The following SETD9 variants were observed in gnomAD, a reference collection of about 807,000 sequenced individuals.
The protein encoded by SETD9 is SET domain containing 9.
In SETD9, 37 loss-of-function variants were observed where a neutral mutation model predicts 36.4. The ratio of observed to expected loss-of-function variants is 1.02; its 90% CI spans 0.78 to 1.34. The LOEUF (loss-of-function observed/expected upper bound fraction) is 1.34. Ranked by LOEUF, SETD9 falls within the 40% of genes most tolerant of loss-of-function variation. The pLI is 0.00. For missense variants in SETD9, 323 were observed against 353.2 expected, an observed-to-expected ratio of 0.91 and a Z score of 0.69; for synonymous variants, 128 against 132.9, an observed-to-expected ratio of 0.96 and a Z score of 0.26.
chr5:56,923,598 G>A (rs758516025), intron 5 of SETD9: 1 of 1,611,358 alleles, frequency 6.2e-7, no homozygotes, highest in Non-Finnish European at 8.5e-7. Context: ...AAAAAGGAAT[G>A]GAAAATTGTT....
At chr5:56,925,405 G>A (rs1749917046) in exon 6 of SETD9, 7 of 441,276 alleles carry the variant, frequency 1.6e-5, no homozygotes, top group Non-Finnish European at 2.3e-5. Context: ...AGCACTTACA[G>A]CAAAGTTTCA....
At position 56,910,447 on chromosome 5, in the gene SETD9, G is replaced by A. The variant is rs1045900759; in HGVS notation, c.98+704G>A. 7.1e-6 allele frequency: 9 copies of A among 1,259,490 alleles called. No homozygotes were observed. In the African/African-American group the frequency reaches 9.4e-5, roughly 13 times the overall value. The allele number at this position is 1,259,490 out of a possible 1,614,324, so 78.0% of individuals were successfully genotyped here. On this transcript the variant is annotated intron_variant, in intron 1 of 5. Transcript: ENST00000285947. ...GCACCAGTGATCAGCTCAACACCGTGCTCACCAAAGAGGCCGACCGGGCCT... is the reference window on the plus strand; with the variant it reads ...GCACCAGTGATCAGCTCAACACCGTACTCACCAAAGAGGCCGACCGGGCCT...
chr5:56,924,823 G>A (rs547059703), intron 5 of SETD9, among the ~76,000 whole-genome samples: 26 of 152,244 alleles, frequency 1.7e-4, no homozygotes, highest in African/African-American at 5.5e-4. Flanking sequence ...ATCAGTACCC[G>A]ATAAAGAAGT....
At chr5:56,914,244 G>C (rs1270345567) in intron 4 of SETD9, among the ~76,000 whole-genome samples, 1 of 152,034 alleles carries the variant, frequency 6.6e-6, no homozygotes, top group Non-Finnish European at 1.5e-5. Flanking sequence ...ACTCCCCTTT[G>C]ATCATTATTA....
rs755210590 is a variant in SETD9, at chr5:56,911,479, G to T, written c.409G>T (p.Gly137Cys). ...TAGCTCATTGATTTCTGCTGGAAAA[G>T]GTGTCTTCGTTACTAAAGGATTGGT... is the stretch of plus-strand genomic sequence containing the variant. ...ATSSLISAGK[G>C]VFVTKGLVPK... The change falls in exon 2 of 6, where the codon GGT (glycine) becomes TGT (cysteine). Residue 137 changes from glycine (G) to cysteine (C), a missense_variant. Physicochemically the swap from Gly to Cys is radical, Grantham distance 159. Transcript: ENST00000285947. 1.2e-6 allele frequency: 2 copies of T among 1,605,222 alleles called. No individual in the cohort carries two copies. Among genetic ancestry groups the T allele is most frequent in the Non-Finnish European group, 1.7e-6 (2 of 1,177,112 alleles).
intron 3 of SETD9, 109 bp from the exon 4 acceptor site, chr5:56,913,765 T>C: frequency 8.2e-6 from 3 of 366,944 alleles, no homozygotes; most frequent in Non-Finnish European, 9.2e-6. Context: ...ACTAAAGTCT[T>C]TTTTTTTTTT....
At chr5:56,923,295 C>T in intron 5 of SETD9, 1 of 1,614,174 alleles carries the variant, frequency 6.2e-7, no homozygotes, top group Non-Finnish European at 8.5e-7. Flanking sequence ...TTTACAGAAA[C>T]TTCATTCATA....
chr5:56,916,696 TA>T, intron 5 of SETD9, 118 bp from the exon 6 acceptor site: 1 of 962,334 alleles, frequency 1.0e-6, no homozygotes, highest in Non-Finnish European at 1.5e-6. Context: ...ATCAAATGCA[TA>T]AACTAAAATG....
At chr5:56,928,247 G>A (rs1002326765), downstream of SETD9, 1 of 152,280 alleles carries the variant, frequency 6.6e-6, no homozygotes, top group African/African-American at 2.4e-5. Flanking sequence ...TATACGGTAA[G>A]AGTATGGTTG....
chr5:56,927,687 A>T (rs1750060880), downstream of SETD9, among the ~76,000 whole-genome samples: 1 of 151,758 alleles, frequency 6.6e-6, no homozygotes, highest in African/African-American at 2.4e-5. Context: ...TGTATCTGTT[A>T]AAAAAATCAA....
chr5:56,923,109 TC>T, intron 5 of SETD9: 3 of 1,606,924 alleles, frequency 1.9e-6, no homozygotes, highest in Non-Finnish European at 2.6e-6. Context: ...CACACGCAGT[TC>T]CGGGATCCTC....
exon 6 of SETD9, chr5:56,925,424 G>C (rs762616444): frequency 8.3e-5 from 35 of 420,478 alleles, no homozygotes; most frequent in Non-Finnish European, 1.4e-4. Flanking sequence ...CAGGAGACAA[G>C]GTTAATACAC....
chr5:56,923,788 C>A lies in SETD9; in HGVS notation c.813-1545C>A, dbSNP rs371920057. ...AAGTTAAGGCTGAAGCATTTACCGT[C>A]CCACCCAAAGCTTCTGTTTCATCTA... is the stretch of plus-strand genomic sequence containing the variant. On this transcript the variant is annotated intron_variant, in intron 5 of 5. Coordinates refer to the SETD9 transcript ENST00000628593. 8 of 1,614,066 alleles carry A rather than the reference C, an allele frequency of 5.0e-6. No homozygotes were observed. The African/African-American group carries it at 5.3e-5, about 11-fold the overall frequency.
exon 6 of SETD9, chr5:56,925,457 T>C (rs1291088709): frequency 5.7e-6 from 2 of 351,140 alleles, no homozygotes; most frequent in Non-Finnish European, 1.1e-5. Flanking sequence ...CTTTCCTATA[T>C]AACAGCAATG....
chr5:56,909,617 C>G lies in SETD9; in HGVS notation c.-29C>G, dbSNP rs373300964. ...AGGCCTCGATCCGCCTTCCCCGCGC[C>G]GTCCTGGTCACGGCCCCGCGGGGCA... is the stretch of plus-strand genomic sequence containing the variant. On this transcript the variant is annotated 5_prime_UTR_variant, in exon 1 of 6. Transcript: ENST00000285947. 6.4e-7 allele frequency: 1 copy of G among 1,572,680 alleles called. No homozygotes were observed. Among genetic ancestry groups the G allele is most frequent in the Non-Finnish European group, 8.6e-7 (1 of 1,158,440 alleles).
chr5:56,922,064 C>T (rs1054051965), downstream of SETD9: 1 of 152,518 alleles, frequency 6.6e-6, no homozygotes, highest in African/African-American at 2.4e-5. Context: ...TCAAGCTTAA[C>T]AAAAAAGCTT....
rs74960578 is a variant in SETD9, at chr5:56,925,213, C to T, written c.813-120C>T. The T allele has an allele frequency of 2.7e-5, 9 of 332,566 alleles. No homozygotes were observed. In the East Asian group the frequency reaches 6.2e-4, roughly 23 times the overall value. The allele number at this position is 332,566 out of a possible 1,614,324, so 20.6% of individuals were successfully genotyped here. A position where few individuals can be genotyped will look rare whatever the true frequency, so the allele number is the denominator to read the frequency against. On this transcript the variant is annotated intron_variant, in intron 5 of 5. Transcript: ENST00000628593. Reference sequence around the variant, plus strand: ...GAGAAACATTAGATTTTCAAACATACAGAAAGTGTGAAATTTTCAACATCA... The same window carrying T: ...GAGAAACATTAGATTTTCAAACATATAGAAAGTGTGAAATTTTCAACATCA...
chr5:56,910,221 G>A (rs1749042211), intron 1 of SETD9: 1 of 1,287,186 alleles, frequency 7.8e-7, no homozygotes, highest in East Asian at 5.6e-5. Context: ...TTAATTAGGT[G>A]CTTGAACTTC....
chr5:56,910,245 A>T, intron 1 of SETD9: 1 of 1,300,006 alleles, frequency 7.7e-7, no homozygotes, highest in South Asian at 1.2e-5. Flanking sequence ...AGAAAAGCCA[A>T]GCCAGGGTTT....
Sources: gnomAD v4.1 joint callset for allele counts (sites outside exome capture counted in the v4.1 genomes callset) on GRCh38, gnomAD v4.1.1 for gene constraint, MANE v1.5 for transcripts, NCBI Gene and HGNC (gene_info 2026-07-23, HGNC 2026-07-21) for gene names.